Variants in LMO7 observed in about 807,000 individuals in gnomAD.
LMO7 encodes the protein LIM domain only protein 7.
LMO7 carries 120 observed loss-of-function variants against 206.5 expected under a neutral mutation model. That is an observed-to-expected ratio of 0.58 (90% confidence interval 0.50 to 0.68). LMO7 has a LOEUF of 0.68. Ranked by LOEUF, LMO7 falls within the 30% of genes least tolerant of loss-of-function variation. The pLI is 0.00. For missense variants in LMO7, 1,959 were observed against 1,957.9 expected (o/e 1.00, Z -0.01); for synonymous variants, 706 against 681.5 (o/e 1.04, Z -0.56).
intron 1 of LMO7, among the ~76,000 whole-genome samples, chr13:75,667,346 ATAT>A (rs2039159693): frequency 1.3e-5 from 2 of 151,984 alleles, no homozygotes; most frequent in Admixed American, 6.6e-5. Flanking sequence ...ATTTTATCAA[ATAT>A]TATTTTCTGT....
chr13:75,643,429 T>C (rs1438436874), intron 1 of LMO7, among the ~76,000 whole-genome samples: 3 of 152,220 alleles, frequency 2.0e-5, no homozygotes, highest in African/African-American at 7.2e-5. Flanking sequence ...GTTTATGTTG[T>C]TCCTGTTCCC....
intron 4 of LMO7, among the ~76,000 whole-genome samples, chr13:75,777,065 A>G (rs1035018987): frequency 6.6e-6 from 1 of 152,200 alleles, no homozygotes; most frequent in Non-Finnish European, 1.5e-5. Flanking sequence ...GGAGATGTGG[A>G]TGGAAGTGCC....
intron 4 of LMO7, among the ~76,000 whole-genome samples, chr13:75,775,749 T>C (rs768282554): frequency 1.3e-5 from 2 of 151,814 alleles, no homozygotes; most frequent in Non-Finnish European, 2.9e-5. Context: ...AAAACCACAA[T>C]GAGATACCTT....
Position 75,647,951 on chromosome 13 carries a change from C to CTTTTTTTTTTTTTTTTT in LMO7, c.69+11227_69+11243dup, listed in dbSNP as rs570513211. ...GATTTTCTCTTGTTTTCTTTTCTTT[C>CTTTTTTTTTTTTTTTTT]TTTTTTTTTTTTTTTTTTGAGACAG... On this transcript the variant is annotated intron_variant, in intron 1 of 30. Coordinates refer to ENST00000377534, the MANE Select transcript of LMO7 (RefSeq NM_001306080.2). 2.2e-4 allele frequency among the ~76,000 whole-genome samples: 20 copies of CTTTTTTTTTTTTTTTTT among 91,148 alleles called. 2 individuals are homozygous for CTTTTTTTTTTTTTTTTT. Among genetic ancestry groups the CTTTTTTTTTTTTTTTTT allele is most frequent in the African/African-American group, 3.2e-4 (8 of 24,682 alleles). The allele number at this position is 91,148 out of a possible 152,430, so 59.8% of individuals were successfully genotyped here.
intron 1 of LMO7, among the ~76,000 whole-genome samples, chr13:75,690,606 T>C (rs2041384780): frequency 6.6e-6 from 1 of 152,166 alleles, no homozygotes; most frequent in Non-Finnish European, 1.5e-5. Flanking sequence ...GGCCAATGGG[T>C]CTCTGGTAAG....
intron 1 of LMO7, among the ~76,000 whole-genome samples, chr13:75,701,745 A>G (rs1243767463): frequency 1.3e-5 from 2 of 152,216 alleles, no homozygotes; most frequent in Admixed American, 1.3e-4. Flanking sequence ...GTGTTTATAG[A>G]CAAAATGCAA....
intron 1 of LMO7, among the ~76,000 whole-genome samples, chr13:75,658,201 C>T (rs2038236876): frequency 6.6e-6 from 1 of 152,042 alleles, no homozygotes; most frequent in Non-Finnish European, 1.5e-5. Context: ...CGTTTTTCTC[C>T]TGCTGTACCA....
intron 1 of LMO7, among the ~76,000 whole-genome samples, chr13:75,656,989 A>T (rs1319075421): frequency 3.3e-5 from 5 of 152,230 alleles, no homozygotes; most frequent in African/African-American, 1.2e-4. Flanking sequence ...GTGGTAATCA[A>T]GTTAAACGAG....
intron 1 of LMO7, among the ~76,000 whole-genome samples, chr13:75,693,703 T>C (rs558394387): frequency 1.3e-5 from 2 of 152,296 alleles, no homozygotes; most frequent in South Asian, 2.1e-4. Context: ...GCTCAGAGTG[T>C]TTTCCCCCAG....
chr13:75,830,321 TACTTTGAA>T (rs2058541561), intron 15 of LMO7, among the ~76,000 whole-genome samples: 1 of 152,302 alleles, frequency 6.6e-6, no homozygotes, highest in Non-Finnish European at 1.5e-5. Flanking sequence ...CTGGAACTCT[TACTTTGAA>T]ACCACAACCA....
chr13:75,690,355 C>G (rs887258417), intron 1 of LMO7, among the ~76,000 whole-genome samples: 1 of 152,122 alleles, frequency 6.6e-6, no homozygotes, highest in Non-Finnish European at 1.5e-5. Flanking sequence ...CTACACTAGG[C>G]TTTCCGGGAG....
intron 6 of LMO7, 81 bp downstream of exon 6, chr13:75,796,830 T>C (rs1374453172): frequency 5.8e-6 from 5 of 864,362 alleles, no homozygotes; most frequent in South Asian, 1.5e-5. Flanking sequence ...CTTTTTCTTC[T>C]CCTTCTCCTC....
chr13:75,636,664 G>C lies in LMO7; in HGVS notation c.7G>C (p.Gly3Arg). ME[G>R]LEEAEANCSV... is the part of the protein sequence containing the mutation. ...TCCCTCCCTTGTCCTAGCCATGGAA[G>C]GGCTGGAGGAGGCAGAGGCCAACTG... Residue 3 changes from glycine (G) to arginine (R), a missense_variant, in exon 1 of 31, where the codon GGG becomes CGG. Gly to Arg is a moderately radical substitution (Grantham distance 125). Coordinates refer to ENST00000377534, the MANE Select transcript of LMO7 (RefSeq NM_001306080.2). 6.2e-7 allele frequency: 1 copy of C among 1,605,870 alleles called. No homozygotes were observed. The highest frequency in any genetic ancestry group is 8.5e-7 in the Non-Finnish European group (1 of 1,176,978).
At chr13:75,819,230 T>G (rs958904269) in intron 12 of LMO7, 163 bp from the exon 13 acceptor site, 5 of 636,390 alleles carry the variant, frequency 7.9e-6, no homozygotes, top group Non-Finnish European at 1.3e-5. Context: ...GATAAAGGCT[T>G]GGTACAGAAA....
At chr13:75,647,951 C>CTTTCTTTTTTTTTTTTTT (rs1555286938) in intron 1 of LMO7, among the ~76,000 whole-genome samples, 1 of 91,126 alleles carries the variant, frequency 1.1e-5, no homozygotes, top group Admixed American at 1.6e-4. Context: ...TCTTTTCTTT[C>CTTTCTTTTTTTTTTTTTT]TTTTTTTTTT....
chr13:75,782,781 C>T (rs2051731747), intron 4 of LMO7, among the ~76,000 whole-genome samples: 1 of 152,222 alleles, frequency 6.6e-6, no homozygotes, highest in Non-Finnish European at 1.5e-5. Flanking sequence ...CCTCTGTGGT[C>T]ACAATCCCTT....
chr13:75,800,904 A>G, intron 7 of LMO7, 22 bp downstream of exon 7: 1 of 1,609,428 alleles, frequency 6.2e-7, no homozygotes, highest in Non-Finnish European at 8.5e-7. Context: ...TTTGGCTGTC[A>G]GTTTATTTGT....
At chr13:75,838,427 AT>A in intron 20 of LMO7, 2 of 949,412 alleles carry the variant, frequency 2.1e-6, no homozygotes, top group Non-Finnish European at 2.7e-6. Context: ...ACCTCTAAAC[AT>A]TTTACTTTTT....
chr13:75,778,991 A>C (rs1342990265), intron 4 of LMO7, among the ~76,000 whole-genome samples: 3 of 152,296 alleles, frequency 2.0e-5, no homozygotes, highest in African/African-American at 7.2e-5. Context: ...CTGAGGAAGA[A>C]GAATGAATTC....
Sources: allele counts gnomAD v4.1 joint callset (sites outside exome capture counted in the v4.1 genomes callset), GRCh38; gene constraint gnomAD v4.1.1; transcripts MANE v1.5; gene names NCBI Gene and HGNC (gene_info 2026-07-23, HGNC 2026-07-21).